Variants in PTPRD observed in about 807,000 individuals in gnomAD.
PTPRD encodes receptor-type tyrosine-protein phosphatase delta.
PTPRD carries 34 observed loss-of-function variants against 214.5 expected under a neutral mutation model. That is an observed-to-expected ratio of 0.16 (90% CI 0.12 to 0.21). PTPRD has a LOEUF of 0.21. Ranked by LOEUF, PTPRD falls within the 10% of genes least tolerant of loss-of-function variation. The pLI, the probability that PTPRD is intolerant of heterozygous loss-of-function variation, is 1.00. For synonymous variants in PTPRD, 1,128 were observed against 845.7 expected (o/e 1.33, Z -5.79); for missense variants, 2,545 against 2,398.7 (o/e 1.06, Z -1.27).
chr9:9,110,413 C>G (rs2099804426), intron 10 of PTPRD, among the ~76,000 whole-genome samples: 1 of 152,210 alleles, frequency 6.6e-6, no homozygotes, highest in Non-Finnish European at 1.5e-5. Flanking sequence ...TCAACAAGTC[C>G]TCTTGGTGAC....
intron 11 of PTPRD, among the ~76,000 whole-genome samples, chr9:8,870,855 C>G (rs113567958): frequency 4.6e-5 from 7 of 152,258 alleles, no homozygotes; most frequent in African/African-American, 1.7e-4. Context: ...GAACTTTACC[C>G]TCTGTCCTGA....
chr9:9,613,242 T>C (rs2094636681), intron 7 of PTPRD, among the ~76,000 whole-genome samples: 1 of 144,842 alleles, frequency 6.9e-6, no homozygotes, highest in Non-Finnish European at 1.5e-5. Context: ...TATAAACAAT[T>C]TAAATATTAA....
chr9:8,929,747 A>ACATATATGTGTG, intron 11 of PTPRD, among the ~76,000 whole-genome samples: 1 of 61,716 alleles, frequency 1.6e-5, no homozygotes, highest in South Asian at 6.3e-4. Context: ...ATATATGTGT[A>ACATATATGTGTG]TATATATATG....
chr9:8,656,095 A>AT (rs944218548), intron 12 of PTPRD, among the ~76,000 whole-genome samples: 2 of 152,238 alleles, frequency 1.3e-5, no homozygotes, highest in Admixed American at 6.5e-5. Flanking sequence ...ATTTTTTAAC[A>AT]TTTTTATTTC....
intron 11 of PTPRD, among the ~76,000 whole-genome samples, chr9:8,846,491 C>T (rs149870599): frequency 3.6e-4 from 55 of 152,182 alleles, no homozygotes; most frequent in African/African-American, 1.1e-3. Flanking sequence ...AGAATTTATT[C>T]GGTATTCTTT....
chr9:9,012,565 T>G (rs1022814590), intron 11 of PTPRD, among the ~76,000 whole-genome samples: 8 of 152,152 alleles, frequency 5.3e-5, no homozygotes, highest in African/African-American at 1.9e-4. Flanking sequence ...TAAGATGCTT[T>G]CCTTTCACAT....
intron 11 of PTPRD, among the ~76,000 whole-genome samples, chr9:8,846,114 A>T (rs1397961885): frequency 6.6e-6 from 1 of 152,220 alleles, no homozygotes; most frequent in East Asian, 1.9e-4. Flanking sequence ...CACACACTCT[A>T]CTGAGATTTG....
chr9:8,423,502 G>C (rs1023451730), intron 35 of PTPRD, among the ~76,000 whole-genome samples: 3 of 152,000 alleles, frequency 2.0e-5, no homozygotes, highest in Non-Finnish European at 4.4e-5. Flanking sequence ...TATATGAAAA[G>C]GTGTTTTTAG....
At chr9:9,097,200 T>C (rs1415772015) in intron 10 of PTPRD, among the ~76,000 whole-genome samples, 3 of 152,160 alleles carry the variant, frequency 2.0e-5, no homozygotes, top group Non-Finnish European at 4.4e-5. Context: ...GCAGGCATTA[T>C]GTTTTCTTGA....
chr9:9,414,123 C>A (rs1317075506), intron 8 of PTPRD, among the ~76,000 whole-genome samples: 1 of 152,224 alleles, frequency 6.6e-6, no homozygotes, highest in Non-Finnish European at 1.5e-5. Flanking sequence ...AAAGGACAAT[C>A]CAAACTCTTC....
At chr9:9,923,650 A>G (rs1252294541) in intron 5 of PTPRD, among the ~76,000 whole-genome samples, 3 of 152,032 alleles carry the variant, frequency 2.0e-5, no homozygotes, top group Non-Finnish European at 4.4e-5. Flanking sequence ...CATCAAAGTG[A>G]TCTTTTCATA....
intron 9 of PTPRD, among the ~76,000 whole-genome samples, chr9:9,369,994 C>T (rs558797451): frequency 2.6e-5 from 4 of 152,110 alleles, no homozygotes; most frequent in Admixed American, 1.3e-4. Context: ...ACCATTACCA[C>T]GATGTTTTCG....
chr9:9,719,664 G>T (rs909318585), intron 7 of PTPRD, among the ~76,000 whole-genome samples: 14 of 152,308 alleles, frequency 9.2e-5, no homozygotes, highest in East Asian at 1.9e-4. Flanking sequence ...AGCTCGCTAT[G>T]CTGCGGCGGT....
intron 3 of PTPRD, among the ~76,000 whole-genome samples, chr9:10,230,418 A>ATGTATCTG (rs1343928817): frequency 7.9e-6 from 1 of 127,136 alleles, no homozygotes; most frequent in African/African-American, 3.0e-5. Flanking sequence ...GTATCTATCT[A>ATGTATCTG]TGTATCTATG....
chr9:10,292,670 AC>A (rs1350862516), intron 3 of PTPRD, among the ~76,000 whole-genome samples: 2 of 151,886 alleles, frequency 1.3e-5, no homozygotes, highest in African/African-American at 4.8e-5. Context: ...TATGTCAAAA[AC>A]ATCCCTTTTT....
intron 3 of PTPRD, among the ~76,000 whole-genome samples, chr9:10,307,888 A>G (rs1396186012): frequency 6.6e-6 from 1 of 151,860 alleles, no homozygotes; most frequent in African/African-American, 2.4e-5. Flanking sequence ...ATCTATTCAT[A>G]TCATTTGCCC....
chr9:9,011,568 C>G (rs1231395867), intron 11 of PTPRD, among the ~76,000 whole-genome samples: 1 of 152,118 alleles, frequency 6.6e-6, no homozygotes, highest in Non-Finnish European at 1.5e-5. Flanking sequence ...ATGCTATTCC[C>G]TGCCAGAGTA....
chr9:9,963,005 AC>A (rs2094463115), intron 4 of PTPRD, among the ~76,000 whole-genome samples: 2 of 151,956 alleles, frequency 1.3e-5, no homozygotes, highest in Admixed American at 1.3e-4. Flanking sequence ...TTATATAGTT[AC>A]ACTATATAAA....
chr9:9,897,308 A>G (rs778010570), intron 5 of PTPRD, among the ~76,000 whole-genome samples: 8 of 152,102 alleles, frequency 5.3e-5, no homozygotes, highest in Non-Finnish European at 1.2e-4. Context: ...TATGAAATCT[A>G]TATACTTTAA....
Sources: allele counts gnomAD v4.1 joint callset (sites outside exome capture counted in the v4.1 genomes callset), GRCh38; gene constraint gnomAD v4.1.1; transcripts MANE v1.5; gene names NCBI Gene and HGNC (gene_info 2026-07-23, HGNC 2026-07-21).